The following CDH12 variants were observed in gnomAD, a reference collection of about 807,000 sequenced individuals.
CDH12 encodes cadherin 12.
A neutral mutation model predicts 74.1 loss-of-function variants in CDH12; 41 were observed. The ratio of observed to expected loss-of-function variants is 0.55; its 90% confidence interval spans 0.43 to 0.72. The LOEUF (loss-of-function observed/expected upper bound fraction) is 0.72, where lower values mean the gene tolerates loss of function less well. Ranked by LOEUF, CDH12 falls within the 30% of genes least tolerant of loss-of-function variation. CDH12 has a pLI of 0.00. For missense variants in CDH12, 945 were observed against 977.2 expected (o/e 0.97, Z 0.44); for synonymous variants, 399 against 355.0 (o/e 1.12, Z -1.39).
At chr5:21,965,203 A>G (rs1330214208) in intron 6 of CDH12, among the ~76,000 whole-genome samples, 11 of 152,064 alleles carry the variant, frequency 7.2e-5, no homozygotes, top group Non-Finnish European at 1.6e-4. Context: ...CTCTAATCTT[A>G]TAGCAAAGTT....
intron 1 of CDH12, among the ~76,000 whole-genome samples, chr5:22,756,764 A>T (rs1195138151): frequency 6.6e-6 from 1 of 152,102 alleles, no homozygotes; most frequent in African/African-American, 2.4e-5. Context: ...GTTCAAGACC[A>T]GCCTGGCCAA....
chr5:22,226,343 CA>C (rs1752194525), intron 3 of CDH12, among the ~76,000 whole-genome samples: 5 of 152,080 alleles, frequency 3.3e-5, no homozygotes, highest in Middle Eastern at 6.8e-3. Flanking sequence ...TAATTTAATG[CA>C]CCCTATAAAA....
intron 1 of CDH12, among the ~76,000 whole-genome samples, chr5:22,845,027 A>T (rs1737239737): frequency 6.6e-6 from 1 of 152,132 alleles, no homozygotes. Flanking sequence ...CCTTTTCAGT[A>T]TGCTCCGGGT....
rs537529430 is a variant in CDH12 at position 22,640,652 on chromosome 5, C to G, written c.-522-135288G>C. Reference sequence around the variant, plus strand: ...TTTTCTTCATATAGCATTAATTGTCCCTTTCTTATAATACCACCAACCTGA... The same window carrying G: ...TTTTCTTCATATAGCATTAATTGTCGCTTTCTTATAATACCACCAACCTGA... On this transcript the variant is annotated intron_variant, in intron 1 of 14. Coordinates refer to ENST00000382254, the MANE Select transcript of CDH12 (RefSeq NM_004061.5). 6.0e-4 allele frequency among the ~76,000 whole-genome samples: 92 copies of G among 152,162 alleles called. 1 individual carries two copies. The highest frequency in any genetic ancestry group is 2.1e-3 in the African/African-American group (86 of 41,514).
intron 3 of CDH12, among the ~76,000 whole-genome samples, chr5:22,375,755 A>G (rs1339746524): frequency 2.6e-5 from 4 of 152,154 alleles, no homozygotes; most frequent in Non-Finnish European, 5.9e-5. Flanking sequence ...ATCATTTTAC[A>G]CCAGTAAGAA....
At chr5:22,655,543 A>G (rs532049557) in intron 1 of CDH12, among the ~76,000 whole-genome samples, 11 of 152,330 alleles carry the variant, frequency 7.2e-5, no homozygotes, top group African/African-American at 1.4e-4. Context: ...TTGCATTTGT[A>G]TATGTTGCCT....
intron 1 of CDH12, among the ~76,000 whole-genome samples, chr5:22,538,593 C>A (rs1737967333): frequency 6.6e-6 from 1 of 152,182 alleles, no homozygotes; most frequent in South Asian, 2.1e-4. Flanking sequence ...GTGGGGCTGG[C>A]AAGAGGCAAA....
chr5:22,293,221 A>T (rs1242586368), intron 3 of CDH12, among the ~76,000 whole-genome samples: 1 of 152,168 alleles, frequency 6.6e-6, no homozygotes, highest in Non-Finnish European at 1.5e-5. Context: ...GACCCCAGCC[A>T]ACGGGGACCG....
intron 5 of CDH12, among the ~76,000 whole-genome samples, chr5:22,012,558 G>T (rs886526715): frequency 6.6e-6 from 1 of 152,130 alleles, no homozygotes; most frequent in Admixed American, 6.6e-5. Flanking sequence ...TTACAGAACT[G>T]CTAAAATGTC....
intron 1 of CDH12, among the ~76,000 whole-genome samples, chr5:22,632,283 A>T (rs190048190): frequency 2.0e-5 from 3 of 152,180 alleles, no homozygotes; most frequent in Admixed American, 2.0e-4. Context: ...AGACATTTAA[A>T]CCTCTTCTTT....
chr5:21,947,983 T>G (rs1755656213), intron 6 of CDH12, among the ~76,000 whole-genome samples: 1 of 152,196 alleles, frequency 6.6e-6, no homozygotes, highest in Non-Finnish European at 1.5e-5. Context: ...CTTGGAGGAT[T>G]CCATATGATG....
intron 5 of CDH12, among the ~76,000 whole-genome samples, chr5:22,044,136 T>C (rs1393461893): frequency 6.6e-6 from 1 of 152,112 alleles, no homozygotes; most frequent in Non-Finnish European, 1.5e-5. Flanking sequence ...AAAGCAATCT[T>C]GAGCAAAATG....
At chr5:22,152,620 T>C (rs1001709820) in intron 4 of CDH12, among the ~76,000 whole-genome samples, 19 of 152,200 alleles carry the variant, frequency 1.2e-4, no homozygotes, top group African/African-American at 4.1e-4. Flanking sequence ...ATATTTACTT[T>C]TGTGGTGAGA....
intron 4 of CDH12, among the ~76,000 whole-genome samples, chr5:22,147,352 G>A (rs1268181854): frequency 1.3e-5 from 2 of 151,690 alleles, no homozygotes; most frequent in African/African-American, 4.8e-5. Context: ...TTCTCTGCTT[G>A]CTCCCAACAT....
At chr5:22,462,860 A>T (rs1306425673) in intron 2 of CDH12, among the ~76,000 whole-genome samples, 1 of 152,212 alleles carries the variant, frequency 6.6e-6, no homozygotes, top group African/African-American at 2.4e-5. Context: ...TTGCATATAA[A>T]CACTGTTAAT....
At chr5:22,043,349 T>C (rs980695932) in intron 5 of CDH12, among the ~76,000 whole-genome samples, 2 of 152,090 alleles carry the variant, frequency 1.3e-5, no homozygotes, top group Admixed American at 6.6e-5. Flanking sequence ...AAAAACCATA[T>C]GATCATTTCA....
chr5:22,698,674 CAGATATATATATAT>C, intron 1 of CDH12, among the ~76,000 whole-genome samples: 1 of 62,158 alleles, frequency 1.6e-5, no homozygotes, highest in Non-Finnish European at 2.8e-5. Flanking sequence ...ATTCAATCCC[CAGATATATATATAT>C]ATATATATAT....
At chr5:22,755,988 T>C (rs1312093776) in intron 1 of CDH12, among the ~76,000 whole-genome samples, 1 of 149,706 alleles carries the variant, frequency 6.7e-6, no homozygotes, top group Non-Finnish European at 1.5e-5. Flanking sequence ...ACTGTTCTAC[T>C]AAACCATCCT....
intron 4 of CDH12, among the ~76,000 whole-genome samples, chr5:22,130,562 AG>A (rs1194469701): frequency 6.6e-6 from 1 of 152,090 alleles, no homozygotes; most frequent in African/African-American, 2.4e-5. Flanking sequence ...GAATGTAAAA[AG>A]GGAATGAGAG....
Sources: gnomAD v4.1 joint callset for allele counts (sites outside exome capture counted in the v4.1 genomes callset) on GRCh38, gnomAD v4.1.1 for gene constraint, MANE v1.5 for transcripts, NCBI Gene and HGNC (gene_info 2026-07-23, HGNC 2026-07-21) for gene names.